The following FAM53B variants were observed in gnomAD, a reference collection of about 807,000 sequenced individuals.
FAM53B encodes the protein family with sequence similarity 53 member B.
A neutral mutation model predicts 32.7 loss-of-function variants in FAM53B; 12 were observed. That is an observed-to-expected ratio of 0.37 (90% CI 0.24 to 0.59). The LOEUF (loss-of-function observed/expected upper bound fraction) is 0.59. Ranked by LOEUF, FAM53B falls within the 20% of genes least tolerant of loss-of-function variation. The probability of loss-of-function intolerance (pLI) is 0.72; values close to 1 mark genes in which losing one functional copy is unlikely to be tolerated. For missense variants in FAM53B, 477 were observed against 577.7 expected (o/e 0.83, Z 1.79); for synonymous variants, 234 against 228.7 (o/e 1.02, Z -0.21).
chr10:124,655,965 G>A (rs866387047), intron 4 of FAM53B, among the ~76,000 whole-genome samples: 4 of 152,194 alleles, frequency 2.6e-5, no homozygotes, highest in South Asian at 2.1e-4. Context: ...CAGCAGGTAC[G>A]TACCAAACAG....
chr10:124,660,256 C>G (rs1428248353), intron 4 of FAM53B, among the ~76,000 whole-genome samples: 5 of 152,166 alleles, frequency 3.3e-5, no homozygotes, highest in Non-Finnish European at 7.3e-5. Context: ...AGCAAACGAA[C>G]GCAGAGCAAA....
chr10:124,704,201 G>A lies in FAM53B; in HGVS notation c.78+2435C>T, dbSNP rs575906092. The A allele has an allele frequency of 5.9e-5, 9 of 152,476 alleles. 1 individual carries two copies. The Middle Eastern group carries it at 0.017, about 286-fold the overall frequency. The allele number at this position is 152,476 out of a possible 1,614,324, so 9.4% of individuals were successfully genotyped here. A position where few individuals can be genotyped will look rare whatever the true frequency, so the allele number is the denominator to read the frequency against. ...CGCACCCACTCAGTCGTGAACTGGA[G>A]CAGCAGCCAGAGAGAGAGTAAGACA... On this transcript the variant is annotated intron_variant, in intron 2 of 4. Coordinates refer to ENST00000337318, the MANE Select transcript of FAM53B (RefSeq NM_014661.4).
intron 1 of FAM53B, among the ~76,000 whole-genome samples, chr10:124,710,459 T>C (rs1222567973): frequency 6.6e-6 from 1 of 152,252 alleles, no homozygotes; most frequent in Non-Finnish European, 1.5e-5. Context: ...TGGAATTTCC[T>C]GGGATTCCTA....
rs1162090726 is a variant in FAM53B, at chr10:124,620,105, C to T, written c.*3137G>A. On this transcript the variant is annotated 3_prime_UTR_variant, in exon 5 of 5. Coordinates refer to ENST00000337318, the MANE Select transcript of FAM53B (RefSeq NM_014661.4). ...TCTTTCAGTGTACAAATTCACAAAACTGGCTACAAAAATTTGGTTGAAAAG... is the reference window on the plus strand; with the variant it reads ...TCTTTCAGTGTACAAATTCACAAAATTGGCTACAAAAATTTGGTTGAAAAG... 1 of 152,602 alleles carries T rather than the reference C, an allele frequency of 6.6e-6. No homozygotes were observed. The highest frequency in any genetic ancestry group is 1.5e-5 in the Non-Finnish European group (1 of 68,050). The allele number at this position is 152,602 out of a possible 1,614,324, so 9.5% of individuals were successfully genotyped here.
At chr10:124,636,452 G>A (rs1035378331) in intron 4 of FAM53B, among the ~76,000 whole-genome samples, 1 of 152,248 alleles carries the variant, frequency 6.6e-6, no homozygotes, top group Non-Finnish European at 1.5e-5. Flanking sequence ...GAGCCACCCT[G>A]TGCCAGACGC....
At chr10:124,728,561 G>C (rs576234329) in intron 1 of FAM53B, among the ~76,000 whole-genome samples, 3 of 152,166 alleles carry the variant, frequency 2.0e-5, no homozygotes, top group African/African-American at 7.2e-5. Flanking sequence ...GCTTTGGTTG[G>C]GTCATCATGA....
chr10:124,743,693 C>G (rs1056885511), intron 1 of FAM53B, among the ~76,000 whole-genome samples: 1 of 151,976 alleles, frequency 6.6e-6, no homozygotes, highest in Non-Finnish European at 1.5e-5. Flanking sequence ...CCCGCGCCCG[C>G]CCGCCCTGGC....
intron 3 of FAM53B, among the ~76,000 whole-genome samples, chr10:124,688,157 T>C (rs562679180): frequency 6.6e-6 from 1 of 152,096 alleles, no homozygotes; most frequent in African/African-American, 2.4e-5. Context: ...ACAAGATGAG[T>C]GTGAAGCCTC....
chr10:124,726,840 GA>G (rs997810986), intron 1 of FAM53B, among the ~76,000 whole-genome samples: 1 of 152,166 alleles, frequency 6.6e-6, no homozygotes, highest in Non-Finnish European at 1.5e-5. Context: ...TCTGTCAAAA[GA>G]AAGAGCTGAG....
intron 1 of FAM53B, among the ~76,000 whole-genome samples, chr10:124,719,167 C>A (rs973818412): frequency 2.6e-5 from 4 of 152,154 alleles, no homozygotes; most frequent in Admixed American, 2.6e-4. Flanking sequence ...CGGAATTAAT[C>A]TAAGAAGTTT....
chr10:124,633,317 G>A (rs940280074), intron 4 of FAM53B, among the ~76,000 whole-genome samples: 1 of 151,282 alleles, frequency 6.6e-6, no homozygotes, highest in South Asian at 2.1e-4. Context: ...CTGTGTGAGG[G>A]ATAGGAAGAC....
At chr10:124,652,190 C>T (rs943395033) in intron 4 of FAM53B, among the ~76,000 whole-genome samples, 3 of 152,222 alleles carry the variant, frequency 2.0e-5, no homozygotes, top group Non-Finnish European at 2.9e-5. Flanking sequence ...TTATGAAAAC[C>T]CGCAGAGGGA....
At chr10:124,696,311 T>C (rs535318158) in intron 2 of FAM53B, 99 bp from the exon 3 acceptor site, 97 of 1,041,300 alleles carry the variant, frequency 9.3e-5, no homozygotes, top group Non-Finnish European at 1.2e-4. Flanking sequence ...AAAGGGTGAC[T>C]GTCCTTTGCC....
At chr10:124,697,910 A>G (rs1949885045) in intron 2 of FAM53B, among the ~76,000 whole-genome samples, 2 of 150,694 alleles carry the variant, frequency 1.3e-5, no homozygotes, top group Admixed American at 1.3e-4. Flanking sequence ...AAATGGCTGC[A>G]CCTGCTTCCT....
At chr10:124,739,868 G>A (rs1025353478) in intron 1 of FAM53B, among the ~76,000 whole-genome samples, 5 of 151,894 alleles carry the variant, frequency 3.3e-5, no homozygotes, top group East Asian at 1.9e-4. Flanking sequence ...TCCTTCAAAC[G>A]TGTTTTTATT....
intron 4 of FAM53B, among the ~76,000 whole-genome samples, chr10:124,655,788 T>C (rs1308013640): frequency 6.6e-6 from 1 of 152,208 alleles, no homozygotes; most frequent in African/African-American, 2.4e-5. Context: ...GTCGCCTCTG[T>C]CCCACTACCC....
chr10:124,647,635 A>G (rs1949526464), intron 4 of FAM53B, among the ~76,000 whole-genome samples: 1 of 152,218 alleles, frequency 6.6e-6, no homozygotes, highest in Non-Finnish European at 1.5e-5. Context: ...CCAGTGTCAC[A>G]GCTAGGAAGC....
intron 4 of FAM53B, among the ~76,000 whole-genome samples, chr10:124,673,489 T>C (rs938642395): frequency 2.0e-5 from 3 of 152,192 alleles, no homozygotes; most frequent in African/African-American, 7.2e-5. Context: ...CGACTCAGCA[T>C]AAGTTAACCC....
chr10:124,737,578 G>A (rs183625573), intron 1 of FAM53B, among the ~76,000 whole-genome samples: 253 of 152,270 alleles, frequency 1.7e-3, no homozygotes, highest in African/African-American at 5.8e-3. Flanking sequence ...AACTGGCTAC[G>A]GGACCCTGGG....
Sources: allele counts gnomAD v4.1 joint callset (sites outside exome capture counted in the v4.1 genomes callset), GRCh38; gene constraint gnomAD v4.1.1; transcripts MANE v1.5; gene names NCBI Gene and HGNC (gene_info 2026-07-23, HGNC 2026-07-21).